The following FRK variants were observed in gnomAD, a reference collection of about 807,000 sequenced individuals.
The protein encoded by FRK is fyn related Src family tyrosine kinase, also known as tyrosine-protein kinase FRK.
A neutral mutation model predicts 56.4 loss-of-function variants in FRK; 51 were observed. The ratio of observed to expected loss-of-function variants is 0.90; its 90% CI spans 0.72 to 1.14. The LOEUF is 1.14. Ranked by LOEUF, FRK falls within the 50% of genes most tolerant of loss-of-function variation. FRK has a pLI of 0.00. For synonymous variants in FRK, 245 were observed against 217.9 expected (o/e 1.12, Z -1.10); for missense variants, 570 against 601.4 (o/e 0.95, Z 0.55).
At chr6:116,096,684 G>A in the FRK span, among the ~76,000 whole-genome samples, 661 of 151,522 alleles carry the variant, frequency 4.4e-3, 7 homozygotes, top group African/African-American at 0.015. Flanking sequence ...ACCAATCAGC[G>A]CTCTGTAAAA....
At chr6:116,054,972 GA>G (rs1162495102) in intron 1 of FRK, among the ~76,000 whole-genome samples, 1 of 151,950 alleles carries the variant, frequency 6.6e-6, no homozygotes, top group Non-Finnish European at 1.5e-5. Flanking sequence ...TCCCAGCTAA[GA>G]AAAAAATCTG....
At chr6:115,958,644 A>AAAAGAAAGAAAGAAAG (rs1171075326) in intron 4 of FRK, among the ~76,000 whole-genome samples, 9 of 3,814 alleles carry the variant, frequency 2.4e-3, no homozygotes, top group African/African-American at 5.8e-3. Context: ...GGAAAGAAAG[A>AAAAGAAAGAAAGAAAG]AAAGAAAGAA....
chr6:115,957,799 T>C (rs1289579040), intron 4 of FRK, among the ~76,000 whole-genome samples: 1 of 152,230 alleles, frequency 6.6e-6, no homozygotes, highest in Non-Finnish European at 1.5e-5. Context: ...GTGCCCTGTG[T>C]GATCTTGAGC....
Position 116,014,754 on chromosome 6 carries a change from A to C in FRK, c.345-10756T>G, listed in dbSNP as rs574953684. 5.9e-5 allele frequency among the ~76,000 whole-genome samples: 9 copies of C among 152,310 alleles called. No individual in the cohort carries two copies. The East Asian group carries it at 1.7e-3, about 29-fold the overall frequency. Reference sequence around the variant, plus strand: ...CCAGCAATATGAGGGAAAAAATGTGACTTGTTCTTTAAAAATTGTTTCACA... The same window carrying C: ...CCAGCAATATGAGGGAAAAAATGTGCCTTGTTCTTTAAAAATTGTTTCACA... On this transcript the variant is annotated intron_variant, in intron 1 of 7. Transcript: ENST00000606080.
intron 1 of FRK, among the ~76,000 whole-genome samples, chr6:116,026,602 C>T (rs374131278): frequency 2.6e-5 from 4 of 151,698 alleles, no homozygotes; most frequent in East Asian, 1.9e-4. Flanking sequence ...CACCCACCTG[C>T]CCACCCACCA....
intron 1 of FRK, among the ~76,000 whole-genome samples, chr6:116,017,895 G>A (rs182072892): frequency 6.6e-6 from 1 of 152,158 alleles, no homozygotes; most frequent in African/African-American, 2.4e-5. Context: ...CCTCACACTG[G>A]ACCCCACTTC....
chr6:115,943,641 G>T (rs1281535063), intron 6 of FRK, among the ~76,000 whole-genome samples: 1 of 151,872 alleles, frequency 6.6e-6, no homozygotes, highest in Non-Finnish European at 1.5e-5. Context: ...ACTCACTGGG[G>T]TACTAATTAA....
chr6:115,942,365 T>C lies in FRK; in HGVS notation c.*49A>G. On this transcript the variant is annotated 3_prime_UTR_variant, in exon 8 of 8. Coordinates refer to ENST00000606080, the MANE Select transcript of FRK (RefSeq NM_002031.3). ...GATAACATTGTATTTTGGAATGGAT[T>C]ATTTGAATTTGTTTTGCTACTTTAT... 7.0e-7 allele frequency: 1 copy of C among 1,426,070 alleles called. No homozygotes were observed. The highest frequency in any genetic ancestry group is 9.9e-7 in the Non-Finnish European group (1 of 1,013,540). The allele number at this position is 1,426,070 out of a possible 1,614,324, so 88.3% of individuals were successfully genotyped here.
chr6:116,061,386 G>A (rs530408804), upstream of FRK, among the ~76,000 whole-genome samples: 64 of 140,798 alleles, frequency 4.5e-4, no homozygotes, highest in Non-Finnish European at 8.0e-4. Context: ...TATCCTTCAA[G>A]TACTATTTGG....
chr6:116,039,413 G>T lies in FRK; in HGVS notation c.344+20555C>A, dbSNP rs1776626519. On this transcript the variant is annotated intron_variant, in intron 1 of 7. Transcript: ENST00000606080. ...GGGGCAACCTGCAAGGAGCTGGCCA[G>T]CCAGCCTGAAGTGGATGGCTTCCTC... is the stretch of plus-strand genomic sequence containing the variant. 5 of 1,574,024 alleles carry T rather than the reference G, an allele frequency of 3.2e-6. No individual in the cohort carries two copies. In the South Asian group the frequency reaches 5.5e-5, roughly 17 times the overall value.
At chr6:116,027,640 T>C (rs920606534) in intron 1 of FRK, among the ~76,000 whole-genome samples, 1 of 151,504 alleles carries the variant, frequency 6.6e-6, no homozygotes. Flanking sequence ...ATAGGATAAA[T>C]AAAAATAGCA....
chr6:116,043,493 TA>T (rs1222384777), intron 1 of FRK, among the ~76,000 whole-genome samples: 1 of 151,924 alleles, frequency 6.6e-6, no homozygotes, highest in African/African-American at 2.4e-5. Flanking sequence ...GACTACTGAG[TA>T]AATAATGAAA....
intron 1 of FRK, among the ~76,000 whole-genome samples, chr6:116,013,941 G>C (rs1398094233): frequency 6.6e-6 from 1 of 151,986 alleles, no homozygotes; most frequent in Non-Finnish European, 1.5e-5. Flanking sequence ...CTATACTAGA[G>C]GTGATATTCA....
At chr6:116,017,771 C>A (rs190906481) in intron 1 of FRK, among the ~76,000 whole-genome samples, 2 of 152,250 alleles carry the variant, frequency 1.3e-5, no homozygotes, top group Admixed American at 6.5e-5. Context: ...TTGAAAAACA[C>A]AGCTGTTTCT....
intron 5 of FRK, among the ~76,000 whole-genome samples, chr6:115,955,901 C>T (rs988613874): frequency 3.1e-4 from 47 of 152,184 alleles, no homozygotes; most frequent in Admixed American, 9.8e-4. Context: ...TCTTCTCTGA[C>T]TACAGGAAGC....
At chr6:116,042,138 C>G (rs536947400) in intron 1 of FRK, among the ~76,000 whole-genome samples, 3 of 152,258 alleles carry the variant, frequency 2.0e-5, no homozygotes, top group African/African-American at 7.2e-5. Flanking sequence ...CCAGGAAGTT[C>G]GAACTAGGCA....
chr6:116,079,135 A>C, the FRK span, among the ~76,000 whole-genome samples: 1 of 152,062 alleles, frequency 6.6e-6, no homozygotes, highest in Non-Finnish European at 1.5e-5. Context: ...TCTAGCGGTG[A>C]AATTGCTGAG....
At chr6:116,056,233 G>A (rs1279382560) in intron 1 of FRK, among the ~76,000 whole-genome samples, 1 of 146,134 alleles carries the variant, frequency 6.8e-6, no homozygotes, top group Non-Finnish European at 1.5e-5. Flanking sequence ...GTGGGGATTC[G>A]AGATAGGGTC....
chr6:115,949,153 G>C (rs1582634622), intron 5 of FRK, among the ~76,000 whole-genome samples: 1 of 152,334 alleles, frequency 6.6e-6, no homozygotes, highest in East Asian at 1.9e-4. Context: ...AAACTTTGCT[G>C]AAGTTGTTTA....
Sources: gnomAD v4.1 joint callset for allele counts (sites outside exome capture counted in the v4.1 genomes callset) on GRCh38, gnomAD v4.1.1 for gene constraint, MANE v1.5 for transcripts, NCBI Gene and HGNC (gene_info 2026-07-23, HGNC 2026-07-21) for gene names.